The following PRKCA variants were observed in gnomAD, a reference collection of about 807,000 sequenced individuals.
PRKCA encodes protein kinase C alpha, also known as protein kinase C alpha type.
In PRKCA, 27 loss-of-function variants were observed where a neutral mutation model predicts 87.0. That is an observed-to-expected ratio of 0.31 (90% confidence interval 0.23 to 0.43). The LOEUF is 0.43. PRKCA is among the 20% of genes least tolerant of loss of function. The pLI is 1.00. For missense variants in PRKCA, 518 were observed against 852.3 expected, an observed-to-expected ratio of 0.61 and a Z score of 4.88; for synonymous variants, 329 against 311.1, an observed-to-expected ratio of 1.06 and a Z score of -0.61.
At chr17:66,530,898 A>G (rs924310329) in intron 3 of PRKCA, among the ~76,000 whole-genome samples, 7 of 151,964 alleles carry the variant, frequency 4.6e-5, no homozygotes. Flanking sequence ...TGCCCCTGGT[A>G]TGGATTAAAC....
chr17:66,554,621 G>A, intron 3 of PRKCA: 1 of 808,878 alleles, frequency 1.2e-6, no homozygotes. Flanking sequence ...CTTTTTTTTG[G>A]TGGGGGGCAC....
At chr17:66,642,633 T>C (rs1177683119) in intron 4 of PRKCA, among the ~76,000 whole-genome samples, 2 of 152,216 alleles carry the variant, frequency 1.3e-5, no homozygotes, top group Admixed American at 6.5e-5. Context: ...GTATCTTACA[T>C]GGAGCAAACT....
At chr17:66,725,455 G>T (rs541302643) in intron 8 of PRKCA, among the ~76,000 whole-genome samples, 1 of 152,200 alleles carries the variant, frequency 6.6e-6, no homozygotes, top group African/African-American at 2.4e-5. Context: ...ACAAACTTGA[G>T]TAAGACTTGG....
intron 3 of PRKCA, among the ~76,000 whole-genome samples, chr17:66,587,610 T>G: frequency 6.6e-6 from 1 of 151,338 alleles, no homozygotes; most frequent in African/African-American, 2.4e-5. Flanking sequence ...GATAGATTGA[T>G]TGATTAGATA....
intron 13 of PRKCA, among the ~76,000 whole-genome samples, chr17:66,754,778 C>A (rs1193492523): frequency 2.0e-5 from 3 of 152,086 alleles, no homozygotes; most frequent in Non-Finnish European, 2.9e-5. Flanking sequence ...CTTAGGCCTC[C>A]ACATACTGGA....
intron 8 of PRKCA, among the ~76,000 whole-genome samples, chr17:66,707,867 C>T (rs1312546577): frequency 6.6e-6 from 1 of 152,174 alleles, no homozygotes. Context: ...TCTTTGTCCA[C>T]GTAGCAGTAT....
In PRKCA at chr17:66,788,844, G is replaced by T; in HGVS notation, c.1719G>T (p.Met573Ile). The T allele has an allele frequency of 1.2e-6, 2 of 1,611,232 alleles. No homozygotes were observed. The highest frequency in any genetic ancestry group is 2.2e-5 in the South Asian group (2 of 90,938). Reference sequence around the variant, plus strand: ...TTTCTCCTTTTCCTTTCTAGCTGATGACCAAACACCCAGCCAAGCGGCTGG... The same window carrying T: ...TTTCTCCTTTTCCTTTCTAGCTGATTACCAAACACCCAGCCAAGCGGCTGG... ...KEAVSVCKGL[M>I]TKHPAKRLGC... Residue 573 changes from methionine to isoleucine, a missense_variant, in exon 16 of 17, where the codon ATG becomes ATT. This residue lies in a region of PRKCA where 159 missense variants were observed against 232.4 expected (regional missense o/e 0.68). Coordinates refer to ENST00000413366, the MANE Select transcript of PRKCA (RefSeq NM_002737.3).
At chr17:66,572,475 GA>G (rs34586094) in intron 3 of PRKCA, among the ~76,000 whole-genome samples, 5 of 148,254 alleles carry the variant, frequency 3.4e-5, no homozygotes, top group South Asian at 2.2e-4. Context: ...TCAGGGGGAG[GA>G]AAAAAAAAAG....
chr17:66,433,016 CTA>C (rs1232676128), intron 2 of PRKCA, among the ~76,000 whole-genome samples: 2 of 152,142 alleles, frequency 1.3e-5, no homozygotes, highest in Non-Finnish European at 2.9e-5. Context: ...GTGTCCAAAA[CTA>C]GACTCTGATG....
intron 2 of PRKCA, among the ~76,000 whole-genome samples, chr17:66,412,968 G>A (rs143391949): frequency 3.9e-4 from 59 of 152,144 alleles, no homozygotes; most frequent in African/African-American, 1.4e-3. Flanking sequence ...CAGATATGTG[G>A]AGATTCTGCA....
At chr17:66,441,571 A>G (rs1913761208) in intron 2 of PRKCA, among the ~76,000 whole-genome samples, 1 of 152,132 alleles carries the variant, frequency 6.6e-6, no homozygotes, top group Non-Finnish European at 1.5e-5. Flanking sequence ...CTCGTCTCAG[A>G]GCTGCTTCTC....
chr17:66,501,923 G>C (rs76235065), intron 3 of PRKCA, among the ~76,000 whole-genome samples: 1 of 152,168 alleles, frequency 6.6e-6, no homozygotes, highest in Non-Finnish European at 1.5e-5. Flanking sequence ...GCCTGCCTCC[G>C]TGGGCTGCTC....
chr17:66,737,045 G>C (rs1052804021), intron 10 of PRKCA, among the ~76,000 whole-genome samples: 1 of 152,142 alleles, frequency 6.6e-6, no homozygotes, highest in African/African-American at 2.4e-5. Context: ...TGCAGGGCTT[G>C]CAAGTGGCCT....
intron 8 of PRKCA, among the ~76,000 whole-genome samples, chr17:66,720,794 C>T (rs945666033): frequency 6.6e-6 from 1 of 152,182 alleles, no homozygotes; most frequent in East Asian, 1.9e-4. Flanking sequence ...GGTTGGTCAT[C>T]GTTGGCCTGT....
intron 2 of PRKCA, among the ~76,000 whole-genome samples, chr17:66,423,041 G>A (rs568197187): frequency 4.6e-5 from 7 of 152,120 alleles, no homozygotes; most frequent in Admixed American, 2.0e-4. Flanking sequence ...AACCAGGGAG[G>A]TGGAGGTTGC....
At chr17:66,392,788 A>G (rs1910440109) in intron 2 of PRKCA, among the ~76,000 whole-genome samples, 1 of 152,210 alleles carries the variant, frequency 6.6e-6, no homozygotes. Flanking sequence ...CCCTAAATAA[A>G]AGAAAGTATA....
intron 3 of PRKCA, among the ~76,000 whole-genome samples, chr17:66,570,182 C>T (rs1237115413): frequency 2.0e-5 from 3 of 152,216 alleles, no homozygotes; most frequent in African/African-American, 4.8e-5. Flanking sequence ...CAACACTCAT[C>T]TCTAGTGCCT....
At chr17:66,781,945 G>A (rs908133009) in intron 14 of PRKCA, among the ~76,000 whole-genome samples, 2 of 146,610 alleles carry the variant, frequency 1.4e-5, no homozygotes, top group African/African-American at 5.0e-5. Flanking sequence ...ACAGAGTCTT[G>A]CTCTGTTGCC....
rs540545401 is a variant in PRKCA, at chr17:66,758,721, G to A, written c.1525-15266G>A. Reference sequence around the variant, plus strand: ...GAGCACCCCTCCACCCCATTCGCTCGCAGTAGCCTCTCATCTTTGTGCTCT... The same window carrying A: ...GAGCACCCCTCCACCCCATTCGCTCACAGTAGCCTCTCATCTTTGTGCTCT... On this transcript the variant is annotated intron_variant, in intron 13 of 16. Coordinates refer to ENST00000413366, the MANE Select transcript of PRKCA (RefSeq NM_002737.3). 6.6e-5 allele frequency among the ~76,000 whole-genome samples: 10 copies of A among 152,196 alleles called. No individual in the cohort carries two copies. The East Asian group carries it at 9.7e-4, about 15-fold the overall frequency.
Sources: allele counts gnomAD v4.1 joint callset (sites outside exome capture counted in the v4.1 genomes callset), GRCh38; gene constraint gnomAD v4.1.1; regional missense constraint gnomAD v4.1.1; transcripts MANE v1.5; gene names NCBI Gene and HGNC (gene_info 2026-07-23, HGNC 2026-07-21).